The following SLC28A1 variants were observed in gnomAD, a reference collection of about 807,000 sequenced individuals.
SLC28A1 encodes the protein sodium/nucleoside cotransporter 1.
Under a neutral mutation model 74.8 loss-of-function variants are expected in SLC28A1, and 64 were observed. That is an observed-to-expected ratio of 0.86 (90% CI 0.70 to 1.05). The LOEUF (loss-of-function observed/expected upper bound fraction) is 1.05. Among genes scored for constraint, SLC28A1 ranks in the 50% least tolerant of loss-of-function variants. The probability of loss-of-function intolerance (pLI) is 0.00; values close to 1 mark genes in which losing one functional copy is unlikely to be tolerated. For missense variants in SLC28A1, 828 were observed against 822.8 expected (o/e 1.01, Z -0.08); for synonymous variants, 359 against 335.0 (o/e 1.07, Z -0.78).
chr15:84,922,812 A>G (rs1031560924), intron 11 of SLC28A1, among the ~76,000 whole-genome samples: 1 of 152,214 alleles, frequency 6.6e-6, no homozygotes, highest in African/African-American at 2.4e-5. Flanking sequence ...TTGCTGCCTT[A>G]GGGCCTCTGC....
At chr15:84,910,427 A>G (rs977788234) in intron 9 of SLC28A1, among the ~76,000 whole-genome samples, 1 of 152,198 alleles carries the variant, frequency 6.6e-6, no homozygotes, top group Non-Finnish European at 1.5e-5. Flanking sequence ...AGCTTCTTAC[A>G]CTTTAAAACA....
chr15:84,928,163 C>T (rs935498979), intron 12 of SLC28A1, among the ~76,000 whole-genome samples: 1 of 152,154 alleles, frequency 6.6e-6, no homozygotes, highest in African/African-American at 2.4e-5. Flanking sequence ...GGCCTGGGTA[C>T]CCACTTCCCT....
At chr15:84,946,102 A>T (rs1407849868), downstream of SLC28A1, among the ~76,000 whole-genome samples, 43 of 13,642 alleles carry the variant, frequency 3.2e-3, 3 homozygotes, top group African/African-American at 9.0e-3. Context: ...ATATATATAT[A>T]TATATATATA....
intron 1 of SLC28A1, 57 bp from the exon 2 acceptor site, chr15:84,886,615 G>A: frequency 1.0e-6 from 1 of 985,512 alleles, no homozygotes; most frequent in Non-Finnish European, 1.2e-6. Context: ...CTCTGGGGAG[G>A]CGCTGGGCAG....
chr15:84,905,541 G>A lies in SLC28A1; in HGVS notation c.606G>A (p.Val202=), dbSNP rs530670111. The change falls in exon 8 of 19, where the codon GTG becomes GTA. Residue 202 remains valine, a splice_region_variant and synonymous_variant. Transcript: ENST00000394573. ...CTTTCTGTTGGGTGGGGTGGTAGGT[G>A]TCCTGGAGGGCCGTGTCTTGGGGAC... The part of the protein sequence containing the change: ...LFACSKHHCA[V]SWRAVSWGLG... 6.7e-5 allele frequency: 108 copies of A among 1,608,934 alleles called. No individual in the cohort carries two copies. In the South Asian group the frequency reaches 1.0e-3, roughly 15 times the overall value.
In SLC28A1 at chr15:84,904,123, G is replaced by C; in HGVS notation, c.488G>C (p.Gly163Ala). 6.2e-7 allele frequency: 1 copy of C among 1,614,156 alleles called. No homozygotes were observed. The highest frequency in any genetic ancestry group is 8.5e-7 in the Non-Finnish European group (1 of 1,180,028). ...KRGLALAAFL[G>A]LVLWLSLDTS... ...GGTCTAGCTCTTGCTGCTTTCCTGG[G>C]CCTGGTCCTGTGGCTGTCTCTGGAC... Residue 163 changes from glycine (G) to alanine (A), a missense_variant, in exon 7 of 19, where the codon GGC becomes GCC. Gly to Ala is a moderately conservative substitution (Grantham distance 60). This residue lies in a region of SLC28A1 where 767 missense variants were observed against 753.5 expected (regional missense o/e 1.02). Transcript: ENST00000394573.
chr15:84,926,692 C>T (rs934387965), intron 12 of SLC28A1: 4 of 345,112 alleles, frequency 1.2e-5, no homozygotes, highest in Middle Eastern at 4.6e-4. Flanking sequence ...TAGCATTCAG[C>T]ATGAGAGTGA....
At chr15:84,957,381 C>T in the SLC28A1 span, among the ~76,000 whole-genome samples, 1 of 152,344 alleles carries the variant, frequency 6.6e-6, no homozygotes, top group Admixed American at 6.5e-5. Flanking sequence ...ATTCTTGTGC[C>T]TCAGCCTCCT....
the SLC28A1 span, among the ~76,000 whole-genome samples, chr15:84,967,028 G>T: frequency 1.2e-4 from 19 of 152,244 alleles, no homozygotes; most frequent in African/African-American, 4.6e-4. Flanking sequence ...TGATCCTCCT[G>T]CCTCAGCCTC....
At chr15:84,917,448 C>A (rs1183852791) in intron 9 of SLC28A1, among the ~76,000 whole-genome samples, 1 of 151,942 alleles carries the variant, frequency 6.6e-6, no homozygotes, top group African/African-American at 2.4e-5. Context: ...CACACACATG[C>A]TTTTGGAGAG....
In SLC28A1 at chr15:84,904,105, C is replaced by G; in HGVS notation, c.470C>G (p.Ala157Gly). The part of the protein sequence containing the change: ...RLLLWFKRGL[A>G]LAAFLGLVLW... ...CTGTCTCTTGCCTGCAGGGGTCTAGCTCTTGCTGCTTTCCTGGGCCTGGTC... is the reference window on the plus strand; with the variant it reads ...CTGTCTCTTGCCTGCAGGGGTCTAGGTCTTGCTGCTTTCCTGGGCCTGGTC... Residue 157 changes from alanine (A) to glycine (G), a missense_variant, in exon 7 of 19, where the codon GCT (alanine) becomes GGT (glycine). This residue lies in a region of SLC28A1 where 767 missense variants were observed against 753.5 expected (regional missense o/e 1.02). Coordinates refer to ENST00000394573, the MANE Select transcript of SLC28A1 (RefSeq NM_004213.5). The G allele has an allele frequency of 1.9e-6, 3 of 1,614,218 alleles. No individual in the cohort carries two copies. Among genetic ancestry groups the G allele is most frequent in the Non-Finnish European group, 2.5e-6 (3 of 1,180,046 alleles).
chr15:84,973,194 C>T, the SLC28A1 span, among the ~76,000 whole-genome samples: 1 of 152,214 alleles, frequency 6.6e-6, no homozygotes, highest in African/African-American at 2.4e-5. Context: ...ATTTCAAGGC[C>T]TTTGTACTTT....
At chr15:84,943,859 G>A (rs972374223) in intron 16 of SLC28A1, among the ~76,000 whole-genome samples, 3 of 151,726 alleles carry the variant, frequency 2.0e-5, no homozygotes, top group African/African-American at 2.4e-5. Flanking sequence ...AGCTGAGATC[G>A]CACCACTGCA....
intron 12 of SLC28A1, 51 bp downstream of exon 12, chr15:84,924,161 C>G: frequency 6.3e-7 from 1 of 1,594,184 alleles, no homozygotes; most frequent in South Asian, 1.1e-5. Flanking sequence ...TGAAGCCCAT[C>G]TTTGTGGGAG....
chr15:84,917,140 T>C (rs2141886872), intron 9 of SLC28A1, among the ~76,000 whole-genome samples: 1 of 152,190 alleles, frequency 6.6e-6, no homozygotes, highest in South Asian at 2.1e-4. Context: ...CCTTTGGCTA[T>C]TTGGGAGTGC....
rs377349117 is a variant in SLC28A1 at position 84,933,147 on chromosome 15, C to G, written c.1086C>G (p.Ile362Met). 1 of 1,613,066 alleles carries G rather than the reference C, an allele frequency of 6.2e-7. No homozygotes were observed. The highest frequency in any genetic ancestry group is 1.3e-5 in the African/African-American group (1 of 74,888). Residue 362 changes from isoleucine (I) to methionine (M), a missense_variant and splice_region_variant, in exon 13 of 19, where the codon ATC becomes ATG. By Grantham distance (10) the Ile-to-Met change is conservative (BLOSUM62 1). Transcript: ENST00000394573. ...SLLGAYISFG[I>M]DATSLIAASV... ...AACCTGCACTCTCACTCTTGCAGAT[C>G]GATGCCACCTCGTTGATTGCAGCCT...
rs1003318807 is a variant in SLC28A1 at position 84,889,509 on chromosome 15, A to G, written c.185+649A>G. 2.6e-5 allele frequency among the ~76,000 whole-genome samples: 4 copies of G among 152,202 alleles called. No individual in the cohort carries two copies. In the East Asian group the frequency reaches 5.8e-4, roughly 22 times the overall value. On this transcript the variant is annotated intron_variant, in intron 4 of 18. Coordinates refer to ENST00000394573, the MANE Select transcript of SLC28A1 (RefSeq NM_004213.5). ...GGGAGGTGGGGACTGAGAGGAGGTGAGGCTCCTTAAAATGGCAGCTGGTGG... is the reference window on the plus strand; with the variant it reads ...GGGAGGTGGGGACTGAGAGGAGGTGGGGCTCCTTAAAATGGCAGCTGGTGG...
downstream of SLC28A1, among the ~76,000 whole-genome samples, chr15:84,946,867 A>G (rs2079251058): frequency 6.6e-6 from 1 of 151,594 alleles, no homozygotes; most frequent in Non-Finnish European, 1.5e-5. Flanking sequence ...CTCAGTTCTC[A>G]TTTTCCCCAG....
At chr15:84,948,054 A>G (rs2079293540), downstream of SLC28A1, among the ~76,000 whole-genome samples, 1 of 152,118 alleles carries the variant, frequency 6.6e-6, no homozygotes, top group Non-Finnish European at 1.5e-5. Flanking sequence ...CCCATGGGTA[A>G]CTCTGTCCTA....
Sources: gnomAD v4.1 joint callset for allele counts (sites outside exome capture counted in the v4.1 genomes callset) on GRCh38, gnomAD v4.1.1 for gene constraint, gnomAD v4.1.1 regional missense constraint, MANE v1.5 for transcripts, NCBI Gene and HGNC (gene_info 2026-07-23, HGNC 2026-07-21) for gene names.